Variants in XPO4 observed in about 807,000 individuals in gnomAD.
XPO4 encodes exportin 4, also known as exportin-4.
In XPO4, 39 loss-of-function variants were observed where a neutral mutation model predicts 143.0. That is an observed-to-expected ratio of 0.27 (90% confidence interval 0.21 to 0.36). The LOEUF (loss-of-function observed/expected upper bound fraction) is 0.36. Ranked by LOEUF, XPO4 falls within the 10% of genes least tolerant of loss-of-function variation. The pLI is 1.00. For synonymous variants in XPO4, 439 were observed against 474.0 expected (o/e 0.93, Z 0.96); for missense variants, 907 against 1,348.0 (o/e 0.67, Z 5.12).
At chr13:20,871,958 T>A (rs1393081189) in intron 1 of XPO4, among the ~76,000 whole-genome samples, 1 of 152,198 alleles carries the variant, frequency 6.6e-6, no homozygotes, top group Non-Finnish European at 1.5e-5. Context: ...CAAGTCAATA[T>A]ATTAAATGGC....
chr13:20,895,103 G>A (rs1350795865), intron 1 of XPO4, among the ~76,000 whole-genome samples: 5 of 150,214 alleles, frequency 3.3e-5, no homozygotes, highest in Non-Finnish European at 5.9e-5. Flanking sequence ...GCTTGAACCC[G>A]GGAGGCAGGG....
At chr13:20,818,799 T>G (rs975746874) in intron 9 of XPO4, among the ~76,000 whole-genome samples, 5 of 152,060 alleles carry the variant, frequency 3.3e-5, no homozygotes, top group African/African-American at 9.7e-5. Flanking sequence ...TATTGTACAC[T>G]ATACACGTCC....
intron 1 of XPO4, among the ~76,000 whole-genome samples, chr13:20,885,827 G>GA (rs11383206): frequency 0.82 from 124,680 of 152,054 alleles, 51,289 homozygotes; most frequent in East Asian, 1. Flanking sequence ...TACAAAAGTA[G>GA]AAAAAAATTC....
At chr13:20,800,091 G>A in intron 15 of XPO4, 65 bp downstream of exon 15, 1 of 1,568,082 alleles carries the variant, frequency 6.4e-7, no homozygotes. Flanking sequence ...ACTACACTAA[G>A]AAGTGAAAAA....
At chr13:20,812,363 C>G (rs2059593243) in intron 9 of XPO4, among the ~76,000 whole-genome samples, 2 of 151,996 alleles carry the variant, frequency 1.3e-5, no homozygotes, top group Non-Finnish European at 2.9e-5. Flanking sequence ...GGATGAAGGA[C>G]TATTCAATAA....
intron 18 of XPO4, among the ~76,000 whole-genome samples, chr13:20,790,890 T>A (rs2059271541): frequency 1.3e-5 from 2 of 152,130 alleles, no homozygotes; most frequent in Non-Finnish European, 2.9e-5. Flanking sequence ...ATAAAACTAA[T>A]GCTTAATCAA....
intron 1 of XPO4, among the ~76,000 whole-genome samples, chr13:20,889,207 C>G (rs992714426): frequency 6.6e-6 from 1 of 152,142 alleles, no homozygotes; most frequent in Non-Finnish European, 1.5e-5. Context: ...CTCAGATATA[C>G]TAGGGATATT....
intron 3 of XPO4, among the ~76,000 whole-genome samples, chr13:20,861,428 T>C (rs1342750235): frequency 6.6e-6 from 1 of 151,504 alleles, no homozygotes; most frequent in Non-Finnish European, 1.5e-5. Flanking sequence ...CCCAAGTAGC[T>C]GGGACTACAG....
Position 20,781,878 on chromosome 13 carries a change from G to GT in XPO4, c.*1843dup, listed in dbSNP as rs960032243. On this transcript the variant is annotated 3_prime_UTR_variant, in exon 23 of 23. Coordinates refer to ENST00000255305, the MANE Select transcript of XPO4 (RefSeq NM_022459.5). ...AGATTACTGCTGCATATCACTTCAA[G>GT]TTTTTTAAGGGGAAAAAAAAAACAC... 12 of 151,426 alleles carry GT rather than the reference G, an allele frequency of 7.9e-5. No individual in the cohort carries two copies. The highest frequency in any genetic ancestry group is 1.6e-4 in the Non-Finnish European group (11 of 67,878). The allele number at this position is 151,426 out of a possible 1,614,324, so 9.4% of individuals were successfully genotyped here. A position where few individuals can be genotyped will look rare whatever the true frequency, so the allele number is the denominator to read the frequency against.
At chr13:20,861,775 C>CTTTTTTT (rs1566613499) in intron 3 of XPO4, among the ~76,000 whole-genome samples, 2 of 123,212 alleles carry the variant, frequency 1.6e-5, no homozygotes, top group African/African-American at 6.4e-5. Context: ...GCACATTTCT[C>CTTTTTTT]TCTTTTTTTT....
intron 9 of XPO4, among the ~76,000 whole-genome samples, chr13:20,815,311 T>A (rs1315466064): frequency 6.6e-6 from 1 of 152,144 alleles, no homozygotes; most frequent in Non-Finnish European, 1.5e-5. Flanking sequence ...CACTATGGAC[T>A]CTGGATGGCG....
rs749726885 is a variant in XPO4 at position 20,808,597 on chromosome 13, A to C, written c.1494-16T>G. 8 of 1,527,360 alleles carry C rather than the reference A, an allele frequency of 5.2e-6. No homozygotes were observed. Among genetic ancestry groups the C allele is most frequent in the Non-Finnish European group, 7.1e-6 (8 of 1,124,562 alleles). The allele number at this position is 1,527,360 out of a possible 1,614,324, so 94.6% of individuals were successfully genotyped here. ...TTCTAATAAACTAAAAGAGAAGAAA[A>C]CAGTAGCTTCATAAAGTTCAATAAG... On this transcript the variant is annotated splice_polypyrimidine_tract_variant and intron_variant, in intron 11 of 22. Transcript: ENST00000255305.
intron 1 of XPO4, among the ~76,000 whole-genome samples, chr13:20,877,062 G>A (rs1485594891): frequency 6.6e-6 from 1 of 152,114 alleles, no homozygotes; most frequent in Non-Finnish European, 1.5e-5. Flanking sequence ...GCTGATTGGT[G>A]CATTTACAAT....
At chr13:20,822,791 C>A (rs564167004) in intron 7 of XPO4, among the ~76,000 whole-genome samples, 7 of 152,124 alleles carry the variant, frequency 4.6e-5, no homozygotes, top group African/African-American at 1.7e-4. Context: ...ATAATGAGCA[C>A]GTTCTTTTAT....
chr13:20,882,109 C>CAAAAAAAAAAAAAA (rs35404161), intron 1 of XPO4, among the ~76,000 whole-genome samples: 87 of 93,324 alleles, frequency 9.3e-4, no homozygotes, highest in African/African-American at 3.9e-3. Flanking sequence ...GACTCGGTCT[C>CAAAAAAAAAAAAAA]AAAAAAAAAA....
intron 6 of XPO4, among the ~76,000 whole-genome samples, chr13:20,832,910 T>C (rs554165170): frequency 4.6e-5 from 7 of 151,742 alleles, no homozygotes; most frequent in Non-Finnish European, 2.9e-5. Context: ...CTCCAAGAGA[T>C]TAAGTTAAAA....
chr13:20,803,309 T>G lies in XPO4; in HGVS notation c.1818-2319A>C, dbSNP rs905646019. Among the ~76,000 whole-genome samples the G allele has an allele frequency of 6.6e-6, 1 of 152,242 alleles. No homozygotes were observed. The highest frequency in any genetic ancestry group is 2.4e-5 in the African/African-American group (1 of 41,466). On this transcript the variant is annotated intron_variant, in intron 13 of 22. Coordinates refer to ENST00000255305, the MANE Select transcript of XPO4 (RefSeq NM_022459.5). This position sits in a 1 kb window ranked among gnomAD's most constrained non-coding sequence, Gnocchi z 4.1. ...GTCACTTAGTCAGTGCCACACTGTT[T>G]GCAACTGTCCCTCTCCTCTGTGGGG... is the stretch of plus-strand genomic sequence containing the variant.
At chr13:20,795,176 C>T (rs2818997) in intron 18 of XPO4, among the ~76,000 whole-genome samples, 48,797 of 152,030 alleles carry the variant, frequency 0.32, 9,783 homozygotes, top group East Asian at 0.8. Context: ...CCACACGTGT[C>T]TGCACAACAT....
chr13:20,804,085 G>C (rs1331979934), intron 13 of XPO4, among the ~76,000 whole-genome samples: 1 of 151,590 alleles, frequency 6.6e-6, no homozygotes, highest in East Asian at 1.9e-4. Context: ...AACCCTTGTA[G>C]CAAAGCCCAT....
Sources: gnomAD v4.1 joint callset for allele counts (sites outside exome capture counted in the v4.1 genomes callset) on GRCh38, gnomAD v4.1.1 for gene constraint, Gnocchi (gnomAD v3.1) non-coding constraint, MANE v1.5 for transcripts, NCBI Gene and HGNC (gene_info 2026-07-23, HGNC 2026-07-21) for gene names.